Variants in KIF16B observed in about 807,000 individuals in gnomAD.
KIF16B encodes the protein kinesin-like protein KIF16B.
A neutral mutation model predicts 156.3 loss-of-function variants in KIF16B; 98 were observed. That is an observed-to-expected ratio of 0.63 (90% confidence interval 0.53 to 0.74). KIF16B has a LOEUF of 0.74. Among genes scored for constraint, KIF16B ranks in the 30% least tolerant of loss-of-function variants. The pLI, the probability that KIF16B is intolerant of heterozygous loss-of-function variation, is 0.00. For missense variants in KIF16B, 1,421 were observed against 1,606.5 expected, an observed-to-expected ratio of 0.88 and a Z score of 1.97; for synonymous variants, 564 against 583.7, an observed-to-expected ratio of 0.97 and a Z score of 0.49.
At chr20:16,482,873 C>CA (rs780963181) in intron 12 of KIF16B, among the ~76,000 whole-genome samples, 1 of 152,140 alleles carries the variant, frequency 6.6e-6, no homozygotes, top group African/African-American at 2.4e-5. Flanking sequence ...AACCCCAGCT[C>CA]ACAGAAGCTG....
At chr20:16,432,201 A>T (rs900203657) in intron 12 of KIF16B, among the ~76,000 whole-genome samples, 3 of 152,128 alleles carry the variant, frequency 2.0e-5, no homozygotes, top group African/African-American at 7.2e-5. Context: ...GACAAATTCC[A>T]GAAGGTTGAA....
chr20:16,347,847 T>G (rs1442247962), intron 23 of KIF16B, among the ~76,000 whole-genome samples: 6 of 152,202 alleles, frequency 3.9e-5, no homozygotes, highest in Non-Finnish European at 7.3e-5. Context: ...ACGCCAACAC[T>G]CTACACTTTC....
In KIF16B at chr20:16,374,957, G is replaced by A. The variant is rs576517653; in HGVS notation, c.3198-548C>T. ...GAAAGCAATACGAGCAATGGGGCAA[G>A]GGCATGAAAACCAGGCATCCACTTT... On this transcript the variant is annotated intron_variant, in intron 19 of 25. Transcript: ENST00000354981. 4.6e-5 allele frequency among the ~76,000 whole-genome samples: 7 copies of A among 152,322 alleles called. No homozygotes were observed. The South Asian group carries it at 1.4e-3, about 32-fold the overall frequency.
At chr20:16,341,745 G>A (rs1224491547) in intron 23 of KIF16B, among the ~76,000 whole-genome samples, 2 of 152,182 alleles carry the variant, frequency 1.3e-5, no homozygotes, top group Admixed American at 1.3e-4. Context: ...AGTCTGTTCT[G>A]ACCAACCCTC....
At chr20:16,501,716 CATA>C (rs973497402) in intron 10 of KIF16B, among the ~76,000 whole-genome samples, 2 of 152,088 alleles carry the variant, frequency 1.3e-5, no homozygotes, top group African/African-American at 4.8e-5. Context: ...CTCTCACAAA[CATA>C]ATGTTGACTG....
At chr20:16,406,738 T>C (rs966809806) in intron 15 of KIF16B, among the ~76,000 whole-genome samples, 14 of 152,048 alleles carry the variant, frequency 9.2e-5, no homozygotes, top group African/African-American at 3.1e-4. Flanking sequence ...GATTTAAAAC[T>C]TAACAGACAT....
chr20:16,554,981 G>A (rs890906043), intron 1 of KIF16B, among the ~76,000 whole-genome samples: 3 of 152,208 alleles, frequency 2.0e-5, no homozygotes, highest in African/African-American at 7.2e-5. Context: ...CTCCATGCCT[G>A]GCTTGCCCTT....
chr20:16,371,885 C>G (rs887710135), intron 20 of KIF16B, 124 bp from the exon 21 acceptor site: 1 of 635,162 alleles, frequency 1.6e-6, no homozygotes, highest in Admixed American at 2.7e-5. Context: ...AACCTAACAA[C>G]AACTTGAGAA....
At chr20:16,559,347 A>G (rs1433200279) in intron 1 of KIF16B, among the ~76,000 whole-genome samples, 1 of 152,228 alleles carries the variant, frequency 6.6e-6, no homozygotes, top group African/African-American at 2.4e-5. Context: ...GAATGGACAG[A>G]GGTATTCTGG....
At chr20:16,453,852 G>A (rs1443972103) in intron 12 of KIF16B, among the ~76,000 whole-genome samples, 1 of 152,146 alleles carries the variant, frequency 6.6e-6, no homozygotes, top group Non-Finnish European at 1.5e-5. Flanking sequence ...CAACTCTTAT[G>A]AAATGGAATT....
At chr20:16,572,682 G>A (rs1163610284) in intron 1 of KIF16B, among the ~76,000 whole-genome samples, 1 of 152,180 alleles carries the variant, frequency 6.6e-6, no homozygotes, top group Non-Finnish European at 1.5e-5. Flanking sequence ...CGTGTAAAGC[G>A]TCCCTGACTT....
rs996714915 is a variant in KIF16B, at chr20:16,297,547, T to C, written c.3795+14788A>G. On this transcript the variant is annotated intron_variant, in intron 25 of 25. Transcript: ENST00000354981. ...CTATCTCTACTAAAAATGCAAAAAA[T>C]TAGCTGGGCGTGGTGGCGGGCACCT... Among the ~76,000 whole-genome samples the C allele has an allele frequency of 2.0e-5, 3 of 151,744 alleles. No homozygotes were observed. In the East Asian group the frequency reaches 5.8e-4, roughly 30 times the overall value.
chr20:16,368,989 C>T, intron 22 of KIF16B: 2 of 985,884 alleles, frequency 2.0e-6, no homozygotes, highest in Non-Finnish European at 2.4e-6. Flanking sequence ...TAGATTAAAA[C>T]ATTTTGGTTC....
At chr20:16,405,874 G>C (rs1342650722) in intron 16 of KIF16B, among the ~76,000 whole-genome samples, 3 of 152,014 alleles carry the variant, frequency 2.0e-5, no homozygotes, top group Admixed American at 6.6e-5. Flanking sequence ...CTGGTCCTTA[G>C]CTCCTTCCCC....
chr20:16,387,889 CG>C (rs11475702), intron 17 of KIF16B, among the ~76,000 whole-genome samples: 24,820 of 151,994 alleles, frequency 0.16, 2,700 homozygotes, highest in East Asian at 0.6. Flanking sequence ...AGGGGAAGTA[CG>C]TGTATTAAGG....
intron 1 of KIF16B, among the ~76,000 whole-genome samples, chr20:16,551,134 T>TC (rs1555800509): frequency 4.9e-5 from 6 of 123,678 alleles, no homozygotes; most frequent in Admixed American, 7.9e-5. Flanking sequence ...TTTCTCTTCT[T>TC]TTTTTTTTTT....
chr20:16,319,625 T>C (rs910710706), intron 24 of KIF16B, among the ~76,000 whole-genome samples: 7 of 152,154 alleles, frequency 4.6e-5, no homozygotes, highest in Non-Finnish European at 1.0e-4. Flanking sequence ...GTAGAAACAC[T>C]ATGAACAGTA....
At chr20:16,298,898 G>A (rs1383880689) in intron 25 of KIF16B, among the ~76,000 whole-genome samples, 1 of 134,212 alleles carries the variant, frequency 7.5e-6, no homozygotes, top group African/African-American at 2.7e-5. Context: ...TCAAATAAAT[G>A]GTGAGTAATA....
At chr20:16,378,266 T>G (rs142160265) in intron 19 of KIF16B, among the ~76,000 whole-genome samples, 4 of 142,546 alleles carry the variant, frequency 2.8e-5, no homozygotes, top group Admixed American at 7.1e-5. Flanking sequence ...GGGAAGAAAA[T>G]AGGGAGAGAA....
Sources: gnomAD v4.1 joint callset for allele counts (sites outside exome capture counted in the v4.1 genomes callset) on GRCh38, gnomAD v4.1.1 for gene constraint, MANE v1.5 for transcripts, NCBI Gene and HGNC (gene_info 2026-07-23, HGNC 2026-07-21) for gene names.